Variants in RAB3C observed in about 807,000 individuals in gnomAD.
RAB3C encodes ras-related protein Rab-3C.
Under a neutral mutation model 26.4 loss-of-function variants are expected in RAB3C, and 17 were observed. The ratio of observed to expected loss-of-function variants is 0.64; its 90% confidence interval spans 0.44 to 0.97. The LOEUF is 0.97. Among genes scored for constraint, RAB3C ranks in the 50% least tolerant of loss-of-function variants. RAB3C has a pLI of 0.00. For synonymous variants in RAB3C, 91 were observed against 95.9 expected, an observed-to-expected ratio of 0.95 and a Z score of 0.30; for missense variants, 242 against 281.9, an observed-to-expected ratio of 0.86 and a Z score of 1.01.
chr5:58,693,620 C>A (rs1350760592), intron 2 of RAB3C, among the ~76,000 whole-genome samples: 2 of 152,130 alleles, frequency 1.3e-5, no homozygotes, highest in Non-Finnish European at 2.9e-5. Context: ...CAAGTGACTT[C>A]TATTCAGCAA....
chr5:58,693,330 A>ATAGATG (rs1748612338), intron 2 of RAB3C, among the ~76,000 whole-genome samples: 1 of 100,930 alleles, frequency 9.9e-6, no homozygotes, highest in African/African-American at 4.1e-5. Flanking sequence ...AATTATATAT[A>ATAGATG]TATGTGTATA....
chr5:58,803,718 A>C (rs2112030110), intron 3 of RAB3C, among the ~76,000 whole-genome samples: 1 of 152,282 alleles, frequency 6.6e-6, no homozygotes, highest in Admixed American at 6.5e-5. Flanking sequence ...AGGCATCTGG[A>C]ACAATGAACT....
Position 58,660,894 on chromosome 5 carries a change from G to T in RAB3C, c.252+43024G>T, listed in dbSNP as rs552849877. Among the ~76,000 whole-genome samples the T allele has an allele frequency of 2.0e-5, 3 of 150,290 alleles. No homozygotes were observed. The South Asian group carries it at 6.2e-4, about 31-fold the overall frequency. ...CACTATTGTCAAATCCCATTGGCAA[G>T]AGTGAGTCATAGGACCCATCTACCA... On this transcript the variant is annotated intron_variant, in intron 2 of 4. Coordinates refer to ENST00000282878, the MANE Select transcript of RAB3C (RefSeq NM_138453.4).
chr5:58,764,484 G>A (rs903264377), intron 3 of RAB3C, among the ~76,000 whole-genome samples: 2 of 152,102 alleles, frequency 1.3e-5, no homozygotes, highest in Non-Finnish European at 2.9e-5. Context: ...GAGTGGTTCT[G>A]ACTCACTGAG....
chr5:58,682,696 GAAAA>G (rs548127913), intron 2 of RAB3C, among the ~76,000 whole-genome samples: 2 of 73,896 alleles, frequency 2.7e-5, no homozygotes, highest in Non-Finnish European at 6.5e-5. Context: ...AAAGAAAAAA[GAAAA>G]AAAAAAAAAA....
chr5:58,778,401 G>A (rs1292947818), intron 3 of RAB3C, among the ~76,000 whole-genome samples: 1 of 152,076 alleles, frequency 6.6e-6, no homozygotes, highest in Non-Finnish European at 1.5e-5. Flanking sequence ...CCATTTTGTT[G>A]GTTATCTGGG....
intron 2 of RAB3C, among the ~76,000 whole-genome samples, chr5:58,704,246 G>C (rs1000524000): frequency 2.6e-5 from 4 of 152,168 alleles, no homozygotes; most frequent in Non-Finnish European, 5.9e-5. Flanking sequence ...TTTGGTGTGT[G>C]AAGAGAAACA....
At chr5:58,660,245 T>C (rs158957) in intron 2 of RAB3C, among the ~76,000 whole-genome samples, 105,035 of 149,712 alleles carry the variant, frequency 0.7, 38,019 homozygotes, top group Middle Eastern at 0.79. Context: ...TGCCTAAGCC[T>C]ATGATATTTT....
In RAB3C at chr5:58,857,175, A is replaced by G. The variant is rs1690285504; in HGVS notation, c.*5824A>G. On this transcript the variant is annotated 3_prime_UTR_variant, in exon 5 of 5. Coordinates refer to ENST00000282878, the MANE Select transcript of RAB3C (RefSeq NM_138453.4). Reference sequence around the variant, plus strand: ...TATAATGAATGTGTGAGATGCTTTGATAGCTGTGTGACTTATTCAAATGAT... The same window carrying G: ...TATAATGAATGTGTGAGATGCTTTGGTAGCTGTGTGACTTATTCAAATGAT... 6.6e-6 allele frequency: 1 copy of G among 152,180 alleles called. No homozygotes were observed. Among genetic ancestry groups the G allele is most frequent in the South Asian group, 2.1e-4 (1 of 4,828 alleles). The allele number at this position is 152,180 out of a possible 1,614,324, so 9.4% of individuals were successfully genotyped here.
intron 3 of RAB3C, among the ~76,000 whole-genome samples, chr5:58,746,476 A>G (rs558721172): frequency 6.6e-6 from 1 of 152,334 alleles, no homozygotes; most frequent in African/African-American, 2.4e-5. Context: ...ACACACACGT[A>G]GCCATCCTTA....
chr5:58,665,127 G>A (rs1380691914), intron 2 of RAB3C, among the ~76,000 whole-genome samples: 2 of 152,134 alleles, frequency 1.3e-5, no homozygotes, highest in Admixed American at 6.5e-5. Context: ...GTCTAAAACA[G>A]CACACATATT....
intron 3 of RAB3C, among the ~76,000 whole-genome samples, chr5:58,773,090 AT>A (rs1434776435): frequency 1.3e-5 from 2 of 152,208 alleles, no homozygotes; most frequent in African/African-American, 4.8e-5. Flanking sequence ...AAGATTTCAG[AT>A]AAAGTCCTAA....
intron 3 of RAB3C, chr5:58,823,151 G>A (rs368443185): frequency 1.9e-5 from 7 of 371,766 alleles, no homozygotes; most frequent in African/African-American, 1.3e-4. Flanking sequence ...AATGGAAGCA[G>A]ATGAAGATGC....
intron 2 of RAB3C, among the ~76,000 whole-genome samples, chr5:58,651,317 T>C (rs1387467625): frequency 6.6e-6 from 1 of 152,182 alleles, no homozygotes; most frequent in African/African-American, 2.4e-5. Context: ...TCATGTTTTC[T>C]GTCACCATTA....
intron 4 of RAB3C, among the ~76,000 whole-genome samples, chr5:58,825,827 A>C (rs995097132): frequency 1.3e-5 from 2 of 152,166 alleles, no homozygotes; most frequent in Non-Finnish European, 2.9e-5. Context: ...CAAAGGAGGG[A>C]TTGATGATTG....
rs999197236 is a variant in RAB3C at position 58,855,629 on chromosome 5, C to T, written c.*4278C>T. On this transcript the variant is annotated 3_prime_UTR_variant, in exon 5 of 5. Transcript: ENST00000282878. ...TAGTTTGCCTGTAAAATGGTGAAGT[C>T]TTTCTGATATGCTGAACCTTTGAGC... The T allele has an allele frequency of 6.6e-6, 1 of 152,228 alleles. No homozygotes were observed. The highest frequency in any genetic ancestry group is 2.4e-5 in the African/African-American group (1 of 41,458). The allele number at this position is 152,228 out of a possible 1,614,324, so 9.4% of individuals were successfully genotyped here.
At chr5:58,596,722 A>T (rs182482954) in intron 1 of RAB3C, among the ~76,000 whole-genome samples, 1 of 38,614 alleles carries the variant, frequency 2.6e-5, no homozygotes, top group Non-Finnish European at 5.6e-5. Flanking sequence ...TATATAATAT[A>T]TAATACATAA....
intron 1 of RAB3C, among the ~76,000 whole-genome samples, chr5:58,611,898 A>C (rs893387101): frequency 2.0e-5 from 3 of 151,958 alleles, no homozygotes; most frequent in African/African-American, 7.3e-5. Context: ...ATCTTGAGTT[A>C]GTTTTTGTAT....
intron 2 of RAB3C, among the ~76,000 whole-genome samples, chr5:58,689,774 C>T (rs1748524239): frequency 1.3e-5 from 2 of 152,232 alleles, no homozygotes; most frequent in South Asian, 4.1e-4. Context: ...TTCCTGACAG[C>T]CTCCTCAACT....
Sources: allele counts gnomAD v4.1 joint callset (sites outside exome capture counted in the v4.1 genomes callset), GRCh38; gene constraint gnomAD v4.1.1; transcripts MANE v1.5; gene names NCBI Gene and HGNC (gene_info 2026-07-23, HGNC 2026-07-21).